The following ABCC4 variants were observed in gnomAD, a reference collection of about 807,000 sequenced individuals.
The protein encoded by ABCC4 is ATP-binding cassette sub-family C member 4.
Under a neutral mutation model 168.5 loss-of-function variants are expected in ABCC4, and 102 were observed. The ratio of observed to expected loss-of-function variants is 0.61; its 90% confidence interval spans 0.52 to 0.71. ABCC4 has a LOEUF of 0.71. Among genes scored for constraint, ABCC4 ranks in the 30% least tolerant of loss-of-function variants. The pLI, the probability that ABCC4 is intolerant of heterozygous loss-of-function variation, is 0.00. For missense variants in ABCC4, 1,402 were observed against 1,605.8 expected (o/e 0.87, Z 2.17); for synonymous variants, 617 against 590.7 (o/e 1.04, Z -0.65).
intron 1 of ABCC4, among the ~76,000 whole-genome samples, chr13:95,254,639 G>C (rs1442761605): frequency 1.3e-5 from 2 of 152,058 alleles, no homozygotes; most frequent in African/African-American, 4.8e-5. Flanking sequence ...TCCCTTCTTT[G>C]TCACTCTTTG....
At chr13:95,051,304 A>G (rs1594011186) in intron 27 of ABCC4, among the ~76,000 whole-genome samples, 1 of 152,378 alleles carries the variant, frequency 6.6e-6, no homozygotes, top group South Asian at 2.1e-4. Flanking sequence ...GTCAAAACCC[A>G]TCTATAAATT....
chr13:95,207,207 T>C (rs1198226631), intron 7 of ABCC4, among the ~76,000 whole-genome samples: 1 of 152,198 alleles, frequency 6.6e-6, no homozygotes, highest in Non-Finnish European at 1.5e-5. Flanking sequence ...TTTGTATTTT[T>C]AGTAGAGACA....
At chr13:95,118,446 G>A (rs1036263482) in intron 19 of ABCC4, among the ~76,000 whole-genome samples, 1 of 152,008 alleles carries the variant, frequency 6.6e-6, no homozygotes, top group Admixed American at 6.6e-5. Context: ...GTTTCACCAC[G>A]TTGGTCAGGC....
intron 4 of ABCC4, among the ~76,000 whole-genome samples, chr13:95,231,519 AG>A (rs1181816050): frequency 6.6e-6 from 1 of 152,204 alleles, no homozygotes; most frequent in South Asian, 2.1e-4. Context: ...GGAAACTGCC[AG>A]TGTCGCAGAG....
At chr13:95,025,558 GC>G (rs1294438474) in intron 30 of ABCC4, among the ~76,000 whole-genome samples, 1 of 139,490 alleles carries the variant, frequency 7.2e-6, no homozygotes, top group Admixed American at 7.4e-5. Context: ...TCTACATTAA[GC>G]ACAGAAAATT....
Position 95,083,276 on chromosome 13 carries a change from C to G in ABCC4, c.2550G>C (p.Val850=), listed in dbSNP as rs778648705. The G allele has an allele frequency of 6.2e-7, 1 of 1,613,724 alleles. No individual in the cohort carries two copies. Among genetic ancestry groups the G allele is most frequent in the East Asian group, 2.2e-5 (1 of 44,860 alleles). Residue 850 remains valine, a synonymous_variant, in exon 21 of 31, where the codon GTG becomes GTC. Coordinates refer to ENST00000645237, the MANE Select transcript of ABCC4 (RefSeq NM_005845.5). ...CCACAGCCACAGAGACCACACCAAC[C>G]ACTTGTAGCAATGTCTGAAATAGCA... The part of the protein sequence containing the change: ...FLDFIQTLLQ[V]VGVVSVAVAV...
intron 23 of ABCC4, 85 bp downstream of exon 23, chr13:95,074,129 A>G: frequency 9.7e-7 from 1 of 1,030,668 alleles, no homozygotes. Context: ...ATGTAGTAGT[A>G]GACAAGGTGG....
intron 26 of ABCC4, among the ~76,000 whole-genome samples, chr13:95,053,527 G>C (rs1053291381): frequency 2.6e-5 from 4 of 152,100 alleles, no homozygotes; most frequent in Middle Eastern, 3.2e-3. Context: ...TACATGAATA[G>C]AGCTATAGAA....
At chr13:95,144,878 A>G (rs1206769391) in intron 19 of ABCC4, among the ~76,000 whole-genome samples, 4 of 152,194 alleles carry the variant, frequency 2.6e-5, no homozygotes, top group African/African-American at 9.6e-5. Context: ...TAGAAAAACT[A>G]TACTGAAATT....
At position 95,161,237 on chromosome 13, in the gene ABCC4, C is replaced by CG; in HGVS notation, c.2406_2407insC (p.Glu803ArgfsTer12). The CG allele has an allele frequency of 6.2e-7, 1 of 1,610,976 alleles. No homozygotes were observed. On this transcript the variant is annotated frameshift_variant, in exon 19 of 31. Transcript: ENST00000645237. LOFTEE classifies it high-confidence loss of function. ...AATACCGGAGCTTTCAGAATTGACT[C>CG]AAACATTTTGTTGTGCAAAGTTTGT...
At chr13:95,275,510 G>A (rs2040950381) in intron 1 of ABCC4, among the ~76,000 whole-genome samples, 1 of 152,044 alleles carries the variant, frequency 6.6e-6, no homozygotes, top group African/African-American at 2.4e-5. Context: ...TCCCCTTGTT[G>A]GCTTTGAACA....
Position 95,228,687 on chromosome 13 carries a change from C to G in ABCC4, c.531+5923G>C, listed in dbSNP as rs570999661. 1.4e-4 allele frequency among the ~76,000 whole-genome samples: 22 copies of G among 151,924 alleles called. 1 individual carries two copies. In the South Asian group the frequency reaches 4.6e-3, roughly 32 times the overall value. On this transcript the variant is annotated intron_variant, in intron 4 of 30. Coordinates refer to ENST00000645237, the MANE Select transcript of ABCC4 (RefSeq NM_005845.5). The stretch of plus-strand genomic sequence containing the variant: ...GCTGAGGCATGGGAATCACTTGAAC[C>G]CGGGAGGCGGAGGTTGCAGTGAACT...
intron 24 of ABCC4, among the ~76,000 whole-genome samples, chr13:95,072,609 C>T (rs1309861682): frequency 2.0e-5 from 3 of 152,188 alleles, no homozygotes; most frequent in Admixed American, 6.5e-5. Flanking sequence ...ATGTTTATTG[C>T]TTTTCTCTCT....
intron 20 of ABCC4, among the ~76,000 whole-genome samples, chr13:95,085,992 C>T (rs1175669586): frequency 8.5e-6 from 1 of 117,414 alleles, no homozygotes; most frequent in Non-Finnish European, 1.8e-5. Context: ...GATACTATAT[C>T]CTACACACGA....
chr13:95,206,454 C>CATAGTGATGCT (rs1250543374), intron 8 of ABCC4, 78 bp downstream of exon 8: 21 of 1,556,778 alleles, frequency 1.3e-5, no homozygotes, highest in Middle Eastern at 3.6e-4. Flanking sequence ...TACACTGGAA[C>CATAGTGATGCT]ATAGTGATGC....
intron 18 of ABCC4, among the ~76,000 whole-genome samples, chr13:95,162,898 TA>T (rs1314519988): frequency 6.6e-6 from 1 of 152,246 alleles, no homozygotes; most frequent in Non-Finnish European, 1.5e-5. Flanking sequence ...AATCCTGGTT[TA>T]ACTTTCAAAA....
At chr13:95,075,994 C>G (rs2033887851) in intron 21 of ABCC4, among the ~76,000 whole-genome samples, 1 of 152,194 alleles carries the variant, frequency 6.6e-6, no homozygotes, top group Non-Finnish European at 1.5e-5. Flanking sequence ...CTGTCCCCAC[C>G]TTAAATTGCT....
Position 95,088,578 on chromosome 13 carries a change from T to C in ABCC4, c.2536-5288A>G, listed in dbSNP as rs74105420. ...AAATCAATGTAATTAGAAATGTAAC[T>C]AGAAATGTTAGGAATTCAGCAATAT... On this transcript the variant is annotated intron_variant, in intron 20 of 30. Coordinates refer to ENST00000645237, the MANE Select transcript of ABCC4 (RefSeq NM_005845.5). Among the ~76,000 whole-genome samples, 820 of 152,282 alleles carry C rather than the reference T, an allele frequency of 5.4e-3. 10 individuals are homozygous for C. Among genetic ancestry groups the C allele is most frequent in the African/African-American group, 0.018 (765 of 41,572 alleles).
chr13:95,245,222 C>T (rs1016680057), intron 3 of ABCC4, among the ~76,000 whole-genome samples: 4 of 152,224 alleles, frequency 2.6e-5, no homozygotes, highest in African/African-American at 9.6e-5. Context: ...ATCCTGTTTT[C>T]AATTTCATAA....
Sources: allele counts gnomAD v4.1 joint callset (sites outside exome capture counted in the v4.1 genomes callset), GRCh38; gene constraint gnomAD v4.1.1; transcripts MANE v1.5; gene names NCBI Gene and HGNC (gene_info 2026-07-23, HGNC 2026-07-21).